PRDM16: variants seen among roughly 807,000 people sequenced by gnomAD.
PRDM16 encodes the protein PR/SET domain 16.
A neutral mutation model predicts 110.6 loss-of-function variants in PRDM16; 23 were observed. That is an observed-to-expected ratio of 0.21 (90% CI 0.15 to 0.29). PRDM16 has a LOEUF of 0.29. Ranked by LOEUF, PRDM16 falls within the 10% of genes least tolerant of loss-of-function variation. The pLI is 1.00. For synonymous variants in PRDM16, 799 were observed against 781.8 expected (o/e 1.02, Z -0.37); for missense variants, 1,615 against 1,794.3 (o/e 0.90, Z 1.81).
chr1:3,130,795 CTG>C (rs1491548877), intron 1 of PRDM16, among the ~76,000 whole-genome samples: 3 of 104,660 alleles, frequency 2.9e-5, no homozygotes, highest in South Asian at 6.1e-4. Context: ...GGTGGGGGGG[CTG>C]TTTTTTTTTT....
chr1:3,329,944 CA>C (rs1642009384), intron 3 of PRDM16, among the ~76,000 whole-genome samples: 3 of 152,244 alleles, frequency 2.0e-5, no homozygotes, highest in Non-Finnish European at 4.4e-5. Flanking sequence ...GGAGGTGGGT[CA>C]GGGGAAAGGA....
intron 3 of PRDM16, among the ~76,000 whole-genome samples, chr1:3,248,637 G>A (rs1481921176): frequency 1.3e-5 from 2 of 152,240 alleles, no homozygotes; most frequent in Non-Finnish European, 2.9e-5. Flanking sequence ...CGGAAGAGGG[G>A]CCGGTGATGG....
intron 1 of PRDM16, among the ~76,000 whole-genome samples, chr1:3,086,207 T>C (rs548553912): frequency 3.3e-5 from 5 of 152,168 alleles, no homozygotes; most frequent in African/African-American, 1.2e-4. Flanking sequence ...AGCTCGTGAG[T>C]GCGTGAGGCC....
Position 3,148,289 on chromosome 1 carries a change from G to A in PRDM16, c.38-37836G>A, listed in dbSNP as rs1321682071. On this transcript the variant is annotated intron_variant, in intron 1 of 16. Transcript: ENST00000270722. This position sits in a 1 kb window ranked among gnomAD's most constrained non-coding sequence, Gnocchi z 5.0. Reference sequence around the variant, plus strand: ...CTGGTGAGAGCAGGTCGGGTGCCAGGACAGAGCAGCCACAGGTGGCCGCCC... The same window carrying A: ...CTGGTGAGAGCAGGTCGGGTGCCAGAACAGAGCAGCCACAGGTGGCCGCCC... Among the ~76,000 whole-genome samples, 1 of 152,132 alleles carries A rather than the reference G, an allele frequency of 6.6e-6. No homozygotes were observed. Among genetic ancestry groups the A allele is most frequent in the Non-Finnish European group, 1.5e-5 (1 of 67,996 alleles).
At chr1:3,118,029 CAT>C (rs910863612) in intron 1 of PRDM16, among the ~76,000 whole-genome samples, 29 of 151,684 alleles carry the variant, frequency 1.9e-4, no homozygotes, top group African/African-American at 4.6e-4. Context: ...TGTGTACATG[CAT>C]GTGTGTGTGC....
chr1:3,401,189 C>G (rs1484670362), intron 5 of PRDM16, among the ~76,000 whole-genome samples: 2 of 152,208 alleles, frequency 1.3e-5, no homozygotes, highest in African/African-American at 4.8e-5. Flanking sequence ...GTAACCCCTG[C>G]ACTGCCCAGA....
At chr1:3,162,923 G>A (rs56286696) in intron 1 of PRDM16, among the ~76,000 whole-genome samples, 1 of 145,758 alleles carries the variant, frequency 6.9e-6, no homozygotes, top group Non-Finnish European at 1.5e-5. Context: ...AGAGGGCTTT[G>A]GGAGAGGGGA....
chr1:3,433,648 C>CTG (rs894311915), intron 16 of PRDM16, 29 bp from the exon 17 acceptor site: 2 of 1,601,268 alleles, frequency 1.2e-6, no homozygotes. Context: ...CCTGCCTGTC[C>CTG]TGTGTGTGTG....
At chr1:3,377,838 G>A (rs1643021135) in intron 3 of PRDM16, among the ~76,000 whole-genome samples, 1 of 152,124 alleles carries the variant, frequency 6.6e-6, no homozygotes, top group South Asian at 2.1e-4. Flanking sequence ...ACAGAAGCGA[G>A]CAGTGAGCCC....
At chr1:3,103,291 C>A (rs751359764) in intron 1 of PRDM16, among the ~76,000 whole-genome samples, 1 of 152,214 alleles carries the variant, frequency 6.6e-6, no homozygotes. Context: ...CTGTCTTCTG[C>A]CTGTGTCTTC....
intron 3 of PRDM16, among the ~76,000 whole-genome samples, chr1:3,300,717 A>G (rs1641190402): frequency 6.6e-6 from 1 of 152,014 alleles, no homozygotes; most frequent in South Asian, 2.1e-4. Flanking sequence ...TCTCTTTGTT[A>G]TTATTTGTCT....
intron 2 of PRDM16, among the ~76,000 whole-genome samples, chr1:3,224,815 C>A (rs1340291557): frequency 1.3e-5 from 2 of 152,244 alleles, no homozygotes; most frequent in Non-Finnish European, 2.9e-5. Flanking sequence ...TCCGAGGAGA[C>A]CCTGAGCTGC....
In PRDM16 at chr1:3,353,795, A is replaced by G. The variant is rs1041906051; in HGVS notation, c.439-31357A>G. On this transcript the variant is annotated intron_variant, in intron 3 of 16. Coordinates refer to ENST00000270722, the MANE Select transcript of PRDM16 (RefSeq NM_022114.4). This position sits in a 1 kb window ranked among gnomAD's most constrained non-coding sequence, Gnocchi z 5.4. ...CTGACTCCTGCCTCTGTGTCTTGTC[A>G]CCAGGCCTTACCCTGGGGACCCCTG... Among the ~76,000 whole-genome samples, 1 of 152,102 alleles carries G rather than the reference A, an allele frequency of 6.6e-6. No homozygotes were observed. Among genetic ancestry groups the G allele is most frequent in the African/African-American group, 2.4e-5 (1 of 41,436 alleles).
At chr1:3,079,891 C>G (rs1455219661) in intron 1 of PRDM16, among the ~76,000 whole-genome samples, 2 of 152,252 alleles carry the variant, frequency 1.3e-5, no homozygotes, top group Non-Finnish European at 2.9e-5. Flanking sequence ...TCGCACACTT[C>G]CCTGCCCTCT....
chr1:3,244,902 C>T lies in PRDM16; in HGVS notation c.438+765C>T, dbSNP rs1046027496. 1.3e-5 allele frequency among the ~76,000 whole-genome samples: 2 copies of T among 152,244 alleles called. No individual in the cohort carries two copies. Among genetic ancestry groups the T allele is most frequent in the East Asian group, 1.9e-4 (1 of 5,200 alleles). On this transcript the variant is annotated intron_variant, in intron 3 of 16. Transcript: ENST00000270722. The surrounding 1 kb of genome is among the most constrained non-coding windows in gnomAD (Gnocchi z 4.1). ...GCCTGCACGCACACACAGACGTCCACAGACACAGCACGCTCACACGTGGTG... is the reference window on the plus strand; with the variant it reads ...GCCTGCACGCACACACAGACGTCCATAGACACAGCACGCTCACACGTGGTG...
chr1:3,211,829 G>A (rs970392971), intron 2 of PRDM16, among the ~76,000 whole-genome samples: 4 of 152,248 alleles, frequency 2.6e-5, no homozygotes, highest in Non-Finnish European at 4.4e-5. Context: ...ATGCGTGTGC[G>A]TGCGCGTGCA....
rs968623253 is a variant in PRDM16, at chr1:3,193,061, G to A, written c.387+6587G>A. Among the ~76,000 whole-genome samples, 15 of 151,838 alleles carry A rather than the reference G, an allele frequency of 9.9e-5. 2 individuals carry two copies. The South Asian group carries it at 1.2e-3, about 13-fold the overall frequency. ...ACGGCGAGTACCCAGCAGACACAGC[G>A]GCCAGATGGTGAGTACTGAGCAGAC... On this transcript the variant is annotated intron_variant, in intron 2 of 16. Coordinates refer to ENST00000270722, the MANE Select transcript of PRDM16 (RefSeq NM_022114.4).
chr1:3,089,343 C>T (rs1642221329), intron 1 of PRDM16, among the ~76,000 whole-genome samples: 1 of 152,214 alleles, frequency 6.6e-6, no homozygotes, highest in Non-Finnish European at 1.5e-5. Context: ...TGGGACCCAC[C>T]CCCCACCGGG....
Position 3,404,831 on chromosome 1 carries a change from G to A in PRDM16, c.977G>A (p.Arg326His), listed in dbSNP as rs757773480. 1.1e-5 allele frequency: 17 copies of A among 1,613,412 alleles called. No individual in the cohort carries two copies. Among genetic ancestry groups the A allele is most frequent in the Middle Eastern group, 1.6e-4 (1 of 6,082 alleles). Residue 326 changes from arginine to histidine, a missense_variant, in exon 7 of 17, where the codon CGC (arginine) becomes CAC (histidine). Physicochemically the swap from Arg to His is conservative, Grantham distance 29 (BLOSUM62 0). Transcript: ENST00000270722. The stretch of plus-strand genomic sequence containing the variant: ...TTCAACTGGAAGTCCAACCTCATCC[G>A]CCACCAGATGTCCCACGACAGCGGC... ...KAFNWKSNLI[R>H]HQMSHDSGKR...
Sources: gnomAD v4.1 joint callset for allele counts (sites outside exome capture counted in the v4.1 genomes callset) on GRCh38, gnomAD v4.1.1 for gene constraint, Gnocchi (gnomAD v3.1) non-coding constraint, MANE v1.5 for transcripts, NCBI Gene and HGNC (gene_info 2026-07-23, HGNC 2026-07-21) for gene names.